The following PDE11A variants were observed in gnomAD, a reference collection of about 807,000 sequenced individuals.
PDE11A encodes dual 3',5'-cyclic-AMP and -GMP phosphodiesterase 11A.
Under a neutral mutation model 100.5 loss-of-function variants are expected in PDE11A, and 100 were observed. That is an observed-to-expected ratio of 1.00 (90% CI 0.85 to 1.18). The LOEUF is 1.18. PDE11A is among the 50% of genes most tolerant of loss of function. The pLI, the probability that PDE11A is intolerant of heterozygous loss-of-function variation, is 0.00. For synonymous variants in PDE11A, 381 were observed against 420.8 expected (o/e 0.91, Z 1.16); for missense variants, 1,141 against 1,152.6 (o/e 0.99, Z 0.15).
intron 13 of PDE11A, among the ~76,000 whole-genome samples, chr2:177,707,709 A>G (rs1324607065): frequency 1.3e-5 from 2 of 152,050 alleles, no homozygotes; most frequent in Non-Finnish European, 1.5e-5. Flanking sequence ...CCAACTCCAA[A>G]TTCCTGTGAG....
intron 5 of PDE11A, among the ~76,000 whole-genome samples, chr2:177,852,468 G>T (rs193176368): frequency 6.6e-6 from 1 of 152,122 alleles, no homozygotes; most frequent in Non-Finnish European, 1.5e-5. Flanking sequence ...TTCACAAAAA[G>T]AAACTGCATT....
At chr2:177,665,162 T>C (rs1250741423) in intron 18 of PDE11A, among the ~76,000 whole-genome samples, 6 of 152,104 alleles carry the variant, frequency 3.9e-5, no homozygotes, top group African/African-American at 1.4e-4. Flanking sequence ...GTGAATAATA[T>C]GAGTCTTGAT....
At chr2:177,896,128 C>T (rs1472716274) in intron 4 of PDE11A, among the ~76,000 whole-genome samples, 1 of 152,068 alleles carries the variant, frequency 6.6e-6, no homozygotes, top group Non-Finnish European at 1.5e-5. Flanking sequence ...AGCAAAGAGG[C>T]CTTTTGAACT....
intron 5 of PDE11A, among the ~76,000 whole-genome samples, chr2:177,846,805 C>G (rs957372056): frequency 9.2e-5 from 14 of 152,188 alleles, no homozygotes; most frequent in African/African-American, 2.7e-4. Context: ...CTCCTTCAAG[C>G]TTTTCTTCAA....
In PDE11A at chr2:177,664,605, C is replaced by T. The variant is rs145699950; in HGVS notation, c.2563-656G>A. On this transcript the variant is annotated intron_variant, in intron 18 of 19. Coordinates refer to ENST00000286063, the MANE Select transcript of PDE11A (RefSeq NM_016953.4). ...GTATATTTTTGGGAAAAATAAATGA[C>T]ATTTTTCTGTTGGGCAGACTTAAGG... Among the ~76,000 whole-genome samples, 63 of 152,164 alleles carry T rather than the reference C, an allele frequency of 4.1e-4. 1 individual carries two copies. The East Asian group carries it at 0.012, about 28-fold the overall frequency.
intron 10 of PDE11A, among the ~76,000 whole-genome samples, chr2:177,752,412 C>T (rs1411120143): frequency 2.0e-5 from 3 of 152,154 alleles, no homozygotes; most frequent in Admixed American, 6.5e-5. Context: ...TGTGACCTTC[C>T]GTGACTTATT....
At chr2:177,773,584 C>T (rs2082341341) in intron 9 of PDE11A, among the ~76,000 whole-genome samples, 1 of 152,126 alleles carries the variant, frequency 6.6e-6, no homozygotes, top group Non-Finnish European at 1.5e-5. Context: ...CTATTAAGTA[C>T]ATAGGAATTT....
intron 5 of PDE11A, among the ~76,000 whole-genome samples, chr2:177,867,108 T>A (rs893492031): frequency 2.0e-5 from 3 of 152,228 alleles, no homozygotes; most frequent in Non-Finnish European, 4.4e-5. Flanking sequence ...TGTGTATTTA[T>A]ATACACTACC....
At chr2:177,729,027 C>G (rs2081644194) in intron 10 of PDE11A, among the ~76,000 whole-genome samples, 1 of 152,046 alleles carries the variant, frequency 6.6e-6, no homozygotes, top group African/African-American at 2.4e-5. Context: ...TATCAGAGAC[C>G]ATTCTGTATT....
At chr2:178,102,400 C>T (rs1175305145) in intron 2 of PDE11A, among the ~76,000 whole-genome samples, 2 of 146,416 alleles carry the variant, frequency 1.4e-5, no homozygotes, top group Non-Finnish European at 3.0e-5. Context: ...GCTGGGATTA[C>T]AGGCGTAAGC....
intron 4 of PDE11A, among the ~76,000 whole-genome samples, chr2:177,896,883 G>T (rs2084620699): frequency 6.6e-6 from 1 of 152,086 alleles, no homozygotes. Context: ...TACAATCACA[G>T]GATACTTTCC....
chr2:178,098,668 A>T (rs1282208504), intron 2 of PDE11A, among the ~76,000 whole-genome samples: 1 of 151,952 alleles, frequency 6.6e-6, no homozygotes, highest in Non-Finnish European at 1.5e-5. Flanking sequence ...GTAGAGGGAC[A>T]GGAATAGGAG....
chr2:177,901,114 T>C (rs1236016514), intron 3 of PDE11A, among the ~76,000 whole-genome samples: 38 of 152,226 alleles, frequency 2.5e-4, no homozygotes, highest in Non-Finnish European at 2.1e-4. Flanking sequence ...TCAGAAATTA[T>C]GGCTTAGGAG....
intron 2 of PDE11A, among the ~76,000 whole-genome samples, chr2:178,084,876 C>A (rs1409901411): frequency 6.6e-6 from 1 of 152,036 alleles, no homozygotes; most frequent in Admixed American, 6.6e-5. Context: ...ATTGGCCTTG[C>A]CTACTTAACA....
intron 1 of PDE11A, among the ~76,000 whole-genome samples, chr2:178,055,351 G>T (rs113157885): frequency 6.7e-6 from 1 of 150,142 alleles, no homozygotes; most frequent in African/African-American, 2.5e-5. Context: ...CTGTCATGGG[G>T]TGGGGGGGAG....
intron 10 of PDE11A, among the ~76,000 whole-genome samples, chr2:177,745,044 A>G (rs2081929087): frequency 6.6e-6 from 1 of 152,202 alleles, no homozygotes; most frequent in Non-Finnish European, 1.5e-5. Flanking sequence ...AGTTGCTATC[A>G]TAACAATTTT....
intron 6 of PDE11A, among the ~76,000 whole-genome samples, chr2:177,833,036 C>T (rs914969708): frequency 6.6e-6 from 1 of 152,098 alleles, no homozygotes; most frequent in Admixed American, 6.5e-5. Flanking sequence ...ACTTTCAATC[C>T]TGCTCTAAAA....
At chr2:177,930,990 A>G (rs2085198050) in intron 2 of PDE11A, among the ~76,000 whole-genome samples, 1 of 152,186 alleles carries the variant, frequency 6.6e-6, no homozygotes, top group Non-Finnish European at 1.5e-5. Flanking sequence ...TGGGACTCAC[A>G]TAGTCACAGG....
rs1185806863 is a variant in PDE11A, at chr2:178,072,578, G to A, written c.-141C>T. The A allele has an allele frequency of 2.3e-5, 35 of 1,527,306 alleles. No homozygotes were observed. Among genetic ancestry groups the A allele is most frequent in the Non-Finnish European group, 2.9e-5 (33 of 1,142,958 alleles). 94.6% of individuals were successfully genotyped at this position (1,527,306 alleles called of 1,614,324 possible). A position where few individuals can be genotyped will look rare whatever the true frequency, so the allele number is the denominator to read the frequency against. ...CCTCCCCTGGAGATTATTCCCAGCAGTGGAATCTGGGAGATGCCCCTTCCT... is the reference window on the plus strand; with the variant it reads ...CCTCCCCTGGAGATTATTCCCAGCAATGGAATCTGGGAGATGCCCCTTCCT... On this transcript the variant is annotated 5_prime_UTR_variant, in exon 1 of 20. Coordinates refer to ENST00000286063, the MANE Select transcript of PDE11A (RefSeq NM_016953.4).
Sources: allele counts gnomAD v4.1 joint callset (sites outside exome capture counted in the v4.1 genomes callset), GRCh38; gene constraint gnomAD v4.1.1; transcripts MANE v1.5; gene names NCBI Gene and HGNC (gene_info 2026-07-23, HGNC 2026-07-21).